Variants in MRPL17 observed in about 807,000 individuals in gnomAD.
MRPL17 encodes large ribosomal subunit protein bL17m.
In MRPL17, 8 loss-of-function variants were observed where a neutral mutation model predicts 12.0. The ratio of observed to expected loss-of-function variants is 0.67; its 90% confidence interval spans 0.39 to 1.21. The LOEUF (loss-of-function observed/expected upper bound fraction) is 1.21, where lower values mean the gene tolerates loss of function less well. MRPL17 is among the 50% of genes most tolerant of loss of function. The pLI is 0.01. For synonymous variants in MRPL17, 107 were observed against 92.9 expected (o/e 1.15, Z -0.87); for missense variants, 263 against 234.4 (o/e 1.12, Z -0.80).
Position 6,682,063 on chromosome 11 carries a change from C to G in MRPL17, c.*55G>C. 6.5e-7 allele frequency: 1 copy of G among 1,547,848 alleles called. No individual in the cohort carries two copies. The highest frequency in any genetic ancestry group is 8.7e-7 in the Non-Finnish European group (1 of 1,144,324). Reference sequence around the variant, plus strand: ...GTTCTTCTCAGAGAGTAAAAGTGCTCCAAAGGCCTGTGATCATGGGTACTG... The same window carrying G: ...GTTCTTCTCAGAGAGTAAAAGTGCTGCAAAGGCCTGTGATCATGGGTACTG... On this transcript the variant is annotated 3_prime_UTR_variant, in exon 3 of 3. Coordinates refer to ENST00000288937, the MANE Select transcript of MRPL17 (RefSeq NM_022061.4).
rs998238073 is a variant in MRPL17 at position 6,681,358 on chromosome 11, C to T, written c.*760G>A. 1 of 152,160 alleles carries T rather than the reference C, an allele frequency of 6.6e-6. No homozygotes were observed. The highest frequency in any genetic ancestry group is 2.4e-5 in the African/African-American group (1 of 41,428). 9.4% of individuals were successfully genotyped at this position (152,160 alleles called of 1,614,324 possible). The stretch of plus-strand genomic sequence containing the variant: ...AGGAAATTCCTAGGAGGTTTAATTT[C>T]CTAATCCTTCTCTCGCATAGACCCT... On this transcript the variant is annotated 3_prime_UTR_variant, in exon 3 of 3. Transcript: ENST00000288937.
At position 6,683,184 on chromosome 11, in the gene MRPL17, C is replaced by T; in HGVS notation, c.113G>A (p.Arg38Gln). The T allele has an allele frequency of 1.9e-6, 3 of 1,614,210 alleles. No individual in the cohort carries two copies. Among genetic ancestry groups the T allele is most frequent in the Non-Finnish European group, 2.5e-6 (3 of 1,180,052 alleles). Residue 38 changes from arginine (R) to glutamine (Q), a missense_variant, in exon 1 of 3, where the codon CGG (arginine) becomes CAG (glutamine). Physicochemically the swap from Arg to Gln is conservative, Grantham distance 43 (BLOSUM62 1). Transcript: ENST00000288937. ...CCATGGTGCCTCGATGCGTTCGTGC[C>T]GCACCAGCCCTGTGAGCAAGTTCCG... is the stretch of plus-strand genomic sequence containing the variant. Reference protein sequence around the residue: ...LLRNLLTGLVRHERIEAPWAR... With the variant: ...LLRNLLTGLVQHERIEAPWAR...
chr11:6,683,225 G>C lies in MRPL17; in HGVS notation c.72C>G (p.Ser24=), dbSNP rs761208629. 6.2e-7 allele frequency: 1 copy of C among 1,614,024 alleles called. No individual in the cohort carries two copies. The highest frequency in any genetic ancestry group is 1.3e-5 in the African/African-American group (1 of 74,946). ...GCAAGTTCCGCAACAGATGGATGCG[G>C]GACTCGGGACCGAGGCCCATACGGC... The part of the protein sequence containing the change: ...VFRRMGLGPE[S]RIHLLRNLLT... Residue 24 remains serine (S), a synonymous_variant, in exon 1 of 3, where the codon TCC becomes TCG. Transcript: ENST00000288937.
Position 6,682,772 on chromosome 11 carries a change from A to G in MRPL17, c.218T>C (p.Met73Thr). The change falls in exon 2 of 3, where the codon ATG becomes ACG. Residue 73 changes from methionine to threonine, a missense_variant. Transcript: ENST00000288937. ...GKLGDTNERA[M>T]RMADFWLTEK... ...TGTGAGCCAGAAGTCAGCCATGCGC[A>G]TGGCTCGTTCGTTAGTGTCTCCCAG... is the stretch of plus-strand genomic sequence containing the variant. The G allele has an allele frequency of 7.4e-6, 12 of 1,614,188 alleles. No homozygotes were observed. The highest frequency in any genetic ancestry group is 1.0e-5 in the Non-Finnish European group (12 of 1,180,018).
intron 2 of MRPL17, 46 bp downstream of exon 2, chr11:6,682,701 C>A (rs770849320): frequency 6.3e-7 from 1 of 1,580,110 alleles, no homozygotes; most frequent in Admixed American, 1.7e-5. Context: ...CCCCCACCCC[C>A]AGGGAGCAAA....
rs757061652 is a variant in MRPL17, at chr11:6,682,835, C to T, written c.175-20G>A. 3.1e-6 allele frequency: 5 copies of T among 1,600,614 alleles called. No homozygotes were observed. The Admixed American group carries it at 6.8e-5, about 22-fold the overall frequency. Reference sequence around the variant, plus strand: ...GATGAGCTGTGAGGACATAACATCACGGATCCAACCGAGCAAGAAAACAAG... The same window carrying T: ...GATGAGCTGTGAGGACATAACATCATGGATCCAACCGAGCAAGAAAACAAG... On this transcript the variant is annotated intron_variant, in intron 1 of 2. Transcript: ENST00000288937.
rs150563527 is a variant in MRPL17 at position 6,681,940 on chromosome 11, T to C, written c.*178A>G. 5.3e-4 allele frequency: 227 copies of C among 430,586 alleles called. 1 individual carries two copies. Among genetic ancestry groups the C allele is most frequent in the African/African-American group, 3.6e-3 (180 of 49,670 alleles). The allele number at this position is 430,586 out of a possible 1,614,324, so 26.7% of individuals were successfully genotyped here. ...AAATAAATAAATTTATATATATTCA[T>C]ATAAAGACTTTTATCTATTGTGCAA... On this transcript the variant is annotated 3_prime_UTR_variant, in exon 3 of 3. Coordinates refer to ENST00000288937, the MANE Select transcript of MRPL17 (RefSeq NM_022061.4).
rs1846552667 is a variant in MRPL17, at chr11:6,680,425, A to G, written c.*1693T>C. Among the ~76,000 whole-genome samples, 1 of 152,210 alleles carries G rather than the reference A, an allele frequency of 6.6e-6. No homozygotes were observed. The highest frequency in any genetic ancestry group is 1.5e-5 in the Non-Finnish European group (1 of 68,028). ...AGGGGAAGCAGTGTCCCTTGAGGCCACTGTGGTAGTGGCAGTGGCCTGTTA... is the reference window on the plus strand; with the variant it reads ...AGGGGAAGCAGTGTCCCTTGAGGCCGCTGTGGTAGTGGCAGTGGCCTGTTA... On this transcript the variant is annotated 3_prime_UTR_variant, in exon 3 of 3. Coordinates refer to ENST00000288937, the MANE Select transcript of MRPL17 (RefSeq NM_022061.4).
chr11:6,682,045 T>G lies in MRPL17; in HGVS notation c.*73A>C. On this transcript the variant is annotated 3_prime_UTR_variant, in exon 3 of 3. Transcript: ENST00000288937. ...TTTACATCTCTAGCTCCAGTTCTTC[T>G]CAGAGAGTAAAAGTGCTCCAAAGGC... The G allele has an allele frequency of 6.6e-7, 1 of 1,518,778 alleles. No homozygotes were observed. Among genetic ancestry groups the G allele is most frequent in the South Asian group, 1.3e-5 (1 of 76,374 alleles). 94.1% of individuals were successfully genotyped at this position (1,518,778 alleles called of 1,614,324 possible).
Position 6,683,107 on chromosome 11 carries a change from G to C in MRPL17, c.174+16C>G, listed in dbSNP as rs1402309045. 3 of 1,610,044 alleles carry C rather than the reference G, an allele frequency of 1.9e-6. No individual in the cohort carries two copies. Among genetic ancestry groups the C allele is most frequent in the African/African-American group, 1.3e-5 (1 of 74,860 alleles). ...GACCAGACCCGCAGAGTGGACAAGAGGGCCGCGCTCCTCACCTTCTCCGCG... is the reference window on the plus strand; with the variant it reads ...GACCAGACCCGCAGAGTGGACAAGACGGCCGCGCTCCTCACCTTCTCCGCG... On this transcript the variant is annotated intron_variant, in intron 1 of 2. Transcript: ENST00000288937.
chr11:6,682,648 G>C, intron 2 of MRPL17, 99 bp downstream of exon 2: 1 of 1,237,168 alleles, frequency 8.1e-7, no homozygotes, highest in African/African-American at 1.5e-5. Flanking sequence ...TGGCCCATAA[G>C]TGAGTACCCA....
At position 6,681,450 on chromosome 11, in the gene MRPL17, T is replaced by C. The variant is rs1846561559; in HGVS notation, c.*668A>G. The C allele has an allele frequency of 6.6e-6, 1 of 152,280 alleles. No individual in the cohort carries two copies. Among genetic ancestry groups the C allele is most frequent in the Non-Finnish European group, 1.5e-5 (1 of 68,078 alleles). 9.4% of individuals were successfully genotyped at this position (152,280 alleles called of 1,614,324 possible). ...CTGGAGCCCAACATCCTCTGCTGAA[T>C]GTCTCCACCCCTTTGGCCAAACTGG... On this transcript the variant is annotated 3_prime_UTR_variant, in exon 3 of 3. Transcript: ENST00000288937.
rs550728997 is a variant in MRPL17 at position 6,682,641 on chromosome 11, C to T, written c.243+106G>A. The T allele has an allele frequency of 2.9e-5, 33 of 1,151,452 alleles. 1 individual carries two copies. The South Asian group carries it at 3.8e-4, about 13-fold the overall frequency. The allele number at this position is 1,151,452 out of a possible 1,614,324, so 71.3% of individuals were successfully genotyped here. ...TTTCTAATTTAGTTAGCAGCACTGG[C>T]CCATAAGTGAGTACCCAAGTTTAAT... is the stretch of plus-strand genomic sequence containing the variant. On this transcript the variant is annotated intron_variant, in intron 2 of 2. Coordinates refer to ENST00000288937, the MANE Select transcript of MRPL17 (RefSeq NM_022061.4).
rs940885629 is a variant in MRPL17 at position 6,683,301 on chromosome 11, C to T, written c.-5G>A. ...TGCAGCGACCGACAGCCGCATGTTT[C>T]CAACTTCTGCCCGCCCCTTGGAGGC... On this transcript the variant is annotated 5_prime_UTR_variant, in exon 1 of 3. Coordinates refer to ENST00000288937, the MANE Select transcript of MRPL17 (RefSeq NM_022061.4). The T allele has an allele frequency of 5.0e-6, 8 of 1,607,686 alleles. No individual in the cohort carries two copies. The African/African-American group carries it at 6.7e-5, about 13-fold the overall frequency.
intron 1 of MRPL17, 119 bp from the exon 2 acceptor site, chr11:6,682,934 A>AC: frequency 7.9e-7 from 1 of 1,268,854 alleles, no homozygotes; most frequent in Non-Finnish European, 1.1e-6. Context: ...AATCTACGCC[A>AC]CCCCTAACTC....
In MRPL17 at chr11:6,683,309, T is replaced by G. The variant is rs1240929052; in HGVS notation, c.-13A>C. On this transcript the variant is annotated 5_prime_UTR_variant, in exon 1 of 3. Transcript: ENST00000288937. ...CCGACAGCCGCATGTTTCCAACTTC[T>G]GCCCGCCCCTTGGAGGCCGGAACTG... 1 of 1,605,706 alleles carries G rather than the reference T, an allele frequency of 6.2e-7. No individual in the cohort carries two copies. The highest frequency in any genetic ancestry group is 1.1e-5 in the South Asian group (1 of 90,476).
In MRPL17 at chr11:6,682,826, A is replaced by C. The variant is rs755791735; in HGVS notation, c.175-11T>G. Reference sequence around the variant, plus strand: ...CCCATAGTCGATGAGCTGTGAGGACATAACATCACGGATCCAACCGAGCAA... The same window carrying C: ...CCCATAGTCGATGAGCTGTGAGGACCTAACATCACGGATCCAACCGAGCAA... On this transcript the variant is annotated splice_polypyrimidine_tract_variant and intron_variant, in intron 1 of 2. Transcript: ENST00000288937. The C allele has an allele frequency of 5.0e-6, 8 of 1,609,722 alleles. No individual in the cohort carries two copies. The highest frequency in any genetic ancestry group is 5.1e-6 in the Non-Finnish European group (6 of 1,176,696).
rs1486246577 is a variant in MRPL17, at chr11:6,683,156, CGCCCATGGT to C, written c.132_140del (p.Pro45_Ala47del). The C allele has an allele frequency of 6.2e-7, 1 of 1,614,116 alleles. No individual in the cohort carries two copies. The highest frequency in any genetic ancestry group is 1.1e-5 in the South Asian group (1 of 91,082). ...CGTAGCCCCTCATTTCGTCCACACG[CGCCCATGGT>C]GCCTCGATGCGTTCGTGCCGCACCA... On this transcript the variant is annotated inframe_deletion, in exon 1 of 3. Transcript: ENST00000288937.
rs1344637531 is a variant in MRPL17 at position 6,682,659 on chromosome 11, A to C, written c.243+88T>G. 16 of 1,328,800 alleles carry C rather than the reference A, an allele frequency of 1.2e-5. No individual in the cohort carries two copies. The East Asian group carries it at 3.5e-4, about 29-fold the overall frequency. 82.3% of individuals were successfully genotyped at this position (1,328,800 alleles called of 1,614,324 possible). On this transcript the variant is annotated intron_variant, in intron 2 of 2. Transcript: ENST00000288937. ...GCACTGGCCCATAAGTGAGTACCCA[A>C]GTTTAATTCTGCATAGTTCTCCTTT...
Sources: allele counts gnomAD v4.1 joint callset (sites outside exome capture counted in the v4.1 genomes callset), GRCh38; gene constraint gnomAD v4.1.1; transcripts MANE v1.5; gene names NCBI Gene and HGNC (gene_info 2026-07-23, HGNC 2026-07-21).